The following ARHGEF10 variants were observed in gnomAD, a reference collection of about 807,000 sequenced individuals.
ARHGEF10 encodes the protein Rho guanine nucleotide exchange factor 10.
A neutral mutation model predicts 147.4 loss-of-function variants in ARHGEF10; 140 were observed. That is an observed-to-expected ratio of 0.95 (90% CI 0.83 to 1.09). The LOEUF (loss-of-function observed/expected upper bound fraction) is 1.09. Ranked by LOEUF, ARHGEF10 falls within the 50% of genes least tolerant of loss-of-function variation. The pLI, the probability that ARHGEF10 is intolerant of heterozygous loss-of-function variation, is 0.00. For synonymous variants in ARHGEF10, 902 were observed against 695.8 expected (o/e 1.30, Z -4.67); for missense variants, 2,222 against 1,752.7 (o/e 1.27, Z -4.78).
intron 2 of ARHGEF10, among the ~76,000 whole-genome samples, chr8:1,851,812 G>A (rs900236156): frequency 6.6e-6 from 1 of 152,020 alleles, no homozygotes; most frequent in Non-Finnish European, 1.5e-5. Flanking sequence ...TGCTTGGGAG[G>A]CTGAGGTGGG....
At chr8:1,905,541 T>C (rs1181016011) in intron 16 of ARHGEF10, 30 bp from the exon 17 acceptor site, 1 of 1,614,150 alleles carries the variant, frequency 6.2e-7, no homozygotes, top group Non-Finnish European at 8.5e-7. Flanking sequence ...AACTGAACTG[T>C]GGTCCCTGGG....
At chr8:1,920,293 G>C (rs545444439) in intron 18 of ARHGEF10, among the ~76,000 whole-genome samples, 186 of 152,328 alleles carry the variant, frequency 1.2e-3, no homozygotes, top group African/African-American at 3.5e-3. Flanking sequence ...AATTAATAAA[G>C]TTAACATTGC....
At chr8:1,898,309 C>G (rs1258741547) in intron 14 of ARHGEF10, 124 bp from the exon 15 acceptor site, 1 of 830,736 alleles carries the variant, frequency 1.2e-6, no homozygotes, top group African/African-American at 1.7e-5. Context: ...CTTCTTGTAG[C>G]TGAAGACAAG....
At chr8:1,827,290 G>A (rs535275586) in intron 1 of ARHGEF10, among the ~76,000 whole-genome samples, 1 of 152,288 alleles carries the variant, frequency 6.6e-6, no homozygotes, top group Admixed American at 6.5e-5. Context: ...TCTGTGAGTA[G>A]TTTTCCAAAT....
chr8:1,877,742 C>T (rs758594643), intron 8 of ARHGEF10, among the ~76,000 whole-genome samples: 1 of 151,448 alleles, frequency 6.6e-6, no homozygotes, highest in African/African-American at 2.4e-5. Flanking sequence ...TTTTTTTTGA[C>T]TGTTTGTAAA....
rs749140805 is a variant in ARHGEF10, at chr8:1,858,134, C to A, written c.193+19C>A. On this transcript the variant is annotated intron_variant, in intron 3 of 28. Transcript: ENST00000349830. ...CCCACAGGTGAGTTTCCAGGAGGGT[C>A]CCCAGGTGAGTCCCCAGGTGGGTCC... 6.2e-7 allele frequency: 1 copy of A among 1,604,014 alleles called. No individual in the cohort carries two copies. Among genetic ancestry groups the A allele is most frequent in the African/African-American group, 1.4e-5 (1 of 73,440 alleles).
At chr8:1,939,463 CA>C (rs1436953173) in intron 26 of ARHGEF10, among the ~76,000 whole-genome samples, 1 of 152,212 alleles carries the variant, frequency 6.6e-6, no homozygotes, top group African/African-American at 2.4e-5. Flanking sequence ...GTTTTGGGGG[CA>C]ACACTCCCTC....
At chr8:1,956,709 CT>C in intron 28 of ARHGEF10, 39 bp from the exon 29 acceptor site, 3 of 1,613,046 alleles carry the variant, frequency 1.9e-6, no homozygotes, top group Non-Finnish European at 2.5e-6. Context: ...CAAATTTTGC[CT>C]ATTTTAAAAG....
intron 7 of ARHGEF10, chr8:1,876,337 C>G (rs994768754): frequency 1.0e-5 from 6 of 583,922 alleles, no homozygotes; most frequent in Non-Finnish European, 1.8e-5. Flanking sequence ...GGCAGGGGCA[C>G]TTGTGAGAAA....
Position 1,923,543 on chromosome 8 carries a change from A to G in ARHGEF10, c.2335A>G (p.Arg779Gly). The stretch of plus-strand genomic sequence containing the variant: ...TATTTTGAAGAAAGAAGATGAAATC[A>G]GAGCTGCGGACTGCTGCAGAATTCA... Reference protein sequence around the residue: ...RLILKKEDEIRAADCCRIQLQ... With the variant: ...RLILKKEDEIGAADCCRIQLQ... Residue 779 changes from arginine to glycine, a missense_variant, in exon 20 of 29, where the codon AGA (arginine) becomes GGA (glycine). Physicochemically the swap from Arg to Gly is moderately radical, Grantham distance 125 (BLOSUM62 -2). Transcript: ENST00000349830. The G allele has an allele frequency of 1.2e-6, 2 of 1,614,152 alleles. No individual in the cohort carries two copies. The highest frequency in any genetic ancestry group is 2.2e-5 in the South Asian group (2 of 91,088).
intron 1 of ARHGEF10, among the ~76,000 whole-genome samples, chr8:1,836,694 T>A (rs1413204828): frequency 5.3e-5 from 8 of 152,020 alleles, no homozygotes; most frequent in Admixed American, 5.2e-4. Context: ...AACAAAGGCG[T>A]GGTTTCTGTG....
intron 1 of ARHGEF10, among the ~76,000 whole-genome samples, chr8:1,826,775 A>G (rs536433694): frequency 1.3e-5 from 2 of 152,364 alleles, no homozygotes; most frequent in South Asian, 4.1e-4. Context: ...AAGCATGCAA[A>G]GAACAGCTCG....
intron 17 of ARHGEF10, 63 bp from the exon 18 acceptor site, chr8:1,909,232 T>C (rs888432676): frequency 3.1e-6 from 5 of 1,602,930 alleles, no homozygotes; most frequent in Non-Finnish European, 4.3e-6. Flanking sequence ...ATCTGAGGGA[T>C]GAACATTACC....
rs1808607181 is a variant in ARHGEF10, at chr8:1,885,794, A to AT, written c.1182+88dup. On this transcript the variant is annotated intron_variant, in intron 11 of 28. Coordinates refer to ENST00000349830, the MANE Select transcript of ARHGEF10 (RefSeq NM_014629.4). ...TTGTGTGTTTGATGCTGGTTGGTAA[A>AT]TATTTGCTGTCTCAAACTCTGCATC... The AT allele has an allele frequency of 4.6e-6, 5 of 1,088,030 alleles. 1 individual carries two copies. The African/African-American group carries it at 7.8e-5, about 17-fold the overall frequency. The allele number at this position is 1,088,030 out of a possible 1,614,324, so 67.4% of individuals were successfully genotyped here. A position where few individuals can be genotyped will look rare whatever the true frequency, so the allele number is the denominator to read the frequency against.
At position 1,909,455 on chromosome 8, in the gene ARHGEF10, G is replaced by A; in HGVS notation, c.2128G>A (p.Ala710Thr). 6.2e-7 allele frequency: 1 copy of A among 1,614,080 alleles called. No individual in the cohort carries two copies. The highest frequency in any genetic ancestry group is 8.5e-7 in the Non-Finnish European group (1 of 1,180,042). Residue 710 changes from alanine (A) to threonine (T), a missense_variant, in exon 18 of 29, where the codon GCT (alanine) becomes ACT (threonine). Ala to Thr is a moderately conservative substitution (Grantham distance 58). Coordinates refer to ENST00000349830, the MANE Select transcript of ARHGEF10 (RefSeq NM_014629.4). ...CCCGCCGGAGAGCCTGGCCGTGGTT[G>A]CTAACGCGAAACCAAGTAAGTGATG... ...VHPPESLAVV[A>T]NAKPNKVYMG...
chr8:1,824,561 T>TGC (rs1802620696), intron 1 of ARHGEF10, among the ~76,000 whole-genome samples: 2 of 25,352 alleles, frequency 7.9e-5, no homozygotes, highest in East Asian at 1.3e-3. Flanking sequence ...CCTGTCCCCC[T>TGC]ACCCCACCAG....
At chr8:1,932,677 G>A (rs1385096450) in intron 25 of ARHGEF10, among the ~76,000 whole-genome samples, 1 of 152,220 alleles carries the variant, frequency 6.6e-6, no homozygotes, top group Non-Finnish European at 1.5e-5. Flanking sequence ...CAACATAAAA[G>A]CATTTCCATT....
At chr8:1,826,077 C>G (rs890910917) in intron 1 of ARHGEF10, 4 of 1,588,140 alleles carry the variant, frequency 2.5e-6, no homozygotes, top group Non-Finnish European at 3.4e-6. Flanking sequence ...CAGCCAACAT[C>G]GGCAGTTACG....
At chr8:1,841,528 G>A (rs369625201) in intron 1 of ARHGEF10, among the ~76,000 whole-genome samples, 1 of 152,136 alleles carries the variant, frequency 6.6e-6, no homozygotes, top group Non-Finnish European at 1.5e-5. Flanking sequence ...GCATCACCAG[G>A]CTCTTTCCCA....
Sources: allele counts gnomAD v4.1 joint callset (sites outside exome capture counted in the v4.1 genomes callset), GRCh38; gene constraint gnomAD v4.1.1; transcripts MANE v1.5; gene names NCBI Gene and HGNC (gene_info 2026-07-23, HGNC 2026-07-21).